The following MOB3B variants were observed in gnomAD, a reference collection of about 807,000 sequenced individuals.
MOB3B encodes MOB kinase activator-like 2B.
MOB3B carries 7 observed loss-of-function variants against 18.7 expected under a neutral mutation model. The ratio of observed to expected loss-of-function variants is 0.37; its 90% confidence interval spans 0.21 to 0.70. The LOEUF (loss-of-function observed/expected upper bound fraction) is 0.70, where lower values mean the gene tolerates loss of function less well. Ranked by LOEUF, MOB3B falls within the 30% of genes least tolerant of loss-of-function variation. The pLI, the probability that MOB3B is intolerant of heterozygous loss-of-function variation, is 0.52. For missense variants in MOB3B, 253 were observed against 281.3 expected, an observed-to-expected ratio of 0.90 and a Z score of 0.72; for synonymous variants, 111 against 99.9, an observed-to-expected ratio of 1.11 and a Z score of -0.66.
intron 1 of MOB3B, among the ~76,000 whole-genome samples, chr9:27,510,456 C>T (rs1820126094): frequency 6.6e-6 from 1 of 152,142 alleles, no homozygotes; most frequent in East Asian, 1.9e-4. Flanking sequence ...AGTATGTTCC[C>T]CAAAACATTA....
At chr9:27,369,758 C>T (rs1336323419) in intron 2 of MOB3B, among the ~76,000 whole-genome samples, 2 of 152,184 alleles carry the variant, frequency 1.3e-5, no homozygotes, top group Admixed American at 6.5e-5. Context: ...AGCTGGAAAC[C>T]TCTTCCTCAG....
intron 2 of MOB3B, among the ~76,000 whole-genome samples, chr9:27,391,477 T>C (rs1587176548): frequency 1.3e-5 from 2 of 152,362 alleles, no homozygotes; most frequent in East Asian, 3.9e-4. Flanking sequence ...ATGAGTTATG[T>C]TATTGTTGGA....
chr9:27,439,568 A>C (rs1022970484), intron 2 of MOB3B, among the ~76,000 whole-genome samples: 8 of 152,202 alleles, frequency 5.3e-5, no homozygotes, highest in African/African-American at 1.9e-4. Context: ...ATGAGAAAGT[A>C]GCAAAGCCAT....
chr9:27,412,196 G>T (rs1350045235), intron 2 of MOB3B, among the ~76,000 whole-genome samples: 1 of 143,030 alleles, frequency 7.0e-6, no homozygotes, highest in East Asian at 2.3e-4. Context: ...AAAAAAAAAA[G>T]TAAAAATAAG....
intron 2 of MOB3B, among the ~76,000 whole-genome samples, chr9:27,367,426 A>G (rs1293166873): frequency 6.6e-6 from 1 of 152,224 alleles, no homozygotes. Context: ...TCCCAAATGT[A>G]TGTGTCACTG....
chr9:27,514,421 A>T (rs1820199326), intron 1 of MOB3B, among the ~76,000 whole-genome samples: 1 of 151,246 alleles, frequency 6.6e-6, no homozygotes, highest in Non-Finnish European at 1.5e-5. Flanking sequence ...CCTCTAGAGG[A>T]GATAGAGCAA....
chr9:27,521,406 T>C (rs1056081488), intron 1 of MOB3B, among the ~76,000 whole-genome samples: 5 of 152,270 alleles, frequency 3.3e-5, no homozygotes, highest in African/African-American at 1.2e-4. Flanking sequence ...AACTGAACAA[T>C]CTTTTAGCTT....
At chr9:27,399,872 A>G (rs1301733932) in intron 2 of MOB3B, among the ~76,000 whole-genome samples, 1 of 152,180 alleles carries the variant, frequency 6.6e-6, no homozygotes, top group Non-Finnish European at 1.5e-5. Flanking sequence ...TGCTATCACT[A>G]CTGACTCCAT....
At chr9:27,441,351 C>T (rs759916454) in intron 2 of MOB3B, among the ~76,000 whole-genome samples, 3 of 152,134 alleles carry the variant, frequency 2.0e-5, no homozygotes, top group South Asian at 2.1e-4. Flanking sequence ...TTATGTTCAC[C>T]TTTTCACTTA....
At chr9:27,385,344 C>T (rs1821637987) in intron 2 of MOB3B, among the ~76,000 whole-genome samples, 1 of 152,108 alleles carries the variant, frequency 6.6e-6, no homozygotes, top group African/African-American at 2.4e-5. Context: ...AGGCCCTGTA[C>T]GAGGTAACCA....
intron 2 of MOB3B, among the ~76,000 whole-genome samples, chr9:27,399,421 G>A (rs551667807): frequency 2.6e-5 from 4 of 152,316 alleles, no homozygotes; most frequent in Non-Finnish European, 5.9e-5. Context: ...GACCATTATG[G>A]CTTTGGGGCC....
intron 1 of MOB3B, among the ~76,000 whole-genome samples, chr9:27,513,602 C>T (rs572999900): frequency 1.6e-4 from 25 of 152,282 alleles, no homozygotes; most frequent in African/African-American, 5.8e-4. Flanking sequence ...ATCCCGAGCT[C>T]TTCCCATCAG....
At chr9:27,460,374 C>T (rs1218835545) in intron 1 of MOB3B, among the ~76,000 whole-genome samples, 1 of 152,210 alleles carries the variant, frequency 6.6e-6, no homozygotes, top group Admixed American at 6.5e-5. Context: ...ACTATAAAAA[C>T]ATGCAGAGAG....
At chr9:27,377,669 T>C (rs1821509025) in intron 2 of MOB3B, among the ~76,000 whole-genome samples, 1 of 152,252 alleles carries the variant, frequency 6.6e-6, no homozygotes, top group East Asian at 1.9e-4. Context: ...ACACTTTTTA[T>C]GCTAAATTGA....
intron 1 of MOB3B, among the ~76,000 whole-genome samples, chr9:27,464,096 A>C (rs1446220926): frequency 6.6e-6 from 1 of 152,272 alleles, no homozygotes; most frequent in African/African-American, 2.4e-5. Flanking sequence ...GGTTATTGAC[A>C]TAGTGACTGA....
Position 27,329,301 on chromosome 9 carries a change from A to G in MOB3B, c.*1286T>C, listed in dbSNP as rs1170577040. The G allele has an allele frequency of 1.3e-5, 2 of 152,222 alleles. No individual in the cohort carries two copies. The highest frequency in any genetic ancestry group is 6.5e-5 in the Admixed American group (1 of 15,280). The allele number at this position is 152,222 out of a possible 1,614,324, so 9.4% of individuals were successfully genotyped here. Reference sequence around the variant, plus strand: ...CACAGTTTTGTGAATGAATCAGAGAAGGCAACATTTCATCAACGAAAACTC... The same window carrying G: ...CACAGTTTTGTGAATGAATCAGAGAGGGCAACATTTCATCAACGAAAACTC... On this transcript the variant is annotated 3_prime_UTR_variant, in exon 4 of 4. Transcript: ENST00000262244.
chr9:27,524,085 T>C (rs1587278876), intron 1 of MOB3B, among the ~76,000 whole-genome samples: 1 of 150,058 alleles, frequency 6.7e-6, no homozygotes, highest in East Asian at 2.0e-4. Context: ...CGATGGTAAT[T>C]CTTTGCTCAT....
At chr9:27,352,393 T>C (rs550032670) in intron 3 of MOB3B, among the ~76,000 whole-genome samples, 57 of 142,438 alleles carry the variant, frequency 4.0e-4, no homozygotes, top group African/African-American at 1.5e-3. Flanking sequence ...AAAAAAAAAG[T>C]AACAAGTGTG....
At chr9:27,446,734 A>G (rs755902208) in intron 2 of MOB3B, among the ~76,000 whole-genome samples, 1 of 152,140 alleles carries the variant, frequency 6.6e-6, no homozygotes, top group Non-Finnish European at 1.5e-5. Context: ...ATGTTATTTT[A>G]TATTCTTAAC....
Sources: gnomAD v4.1 joint callset for allele counts (sites outside exome capture counted in the v4.1 genomes callset) on GRCh38, gnomAD v4.1.1 for gene constraint, MANE v1.5 for transcripts, NCBI Gene and HGNC (gene_info 2026-07-23, HGNC 2026-07-21) for gene names.